Variants in RBBP6 observed in about 807,000 individuals in gnomAD.
RBBP6 encodes RB binding protein 6, ubiquitin ligase.
In RBBP6, 25 loss-of-function variants were observed where a neutral mutation model predicts 167.7. The observed-to-expected ratio is 0.15, with a 90% CI of 0.11 to 0.21. The LOEUF is 0.21. RBBP6 is among the 10% of genes least tolerant of loss of function. The pLI, the probability that RBBP6 is intolerant of heterozygous loss-of-function variation, is 1.00. For missense variants in RBBP6, 1,868 were observed against 2,134.2 expected, an observed-to-expected ratio of 0.88 and a Z score of 2.46; for synonymous variants, 789 against 735.8, an observed-to-expected ratio of 1.07 and a Z score of -1.17.
chr16:24,555,123 A>G (rs186210028), intron 4 of RBBP6: 1 of 152,628 alleles, frequency 6.6e-6, no homozygotes, highest in South Asian at 2.1e-4. Context: ...ATTTAAAATT[A>G]TAATGCTCAA....
At chr16:24,545,466 G>A (rs564887463) in intron 1 of RBBP6, among the ~76,000 whole-genome samples, 2 of 152,244 alleles carry the variant, frequency 1.3e-5, no homozygotes, top group African/African-American at 2.4e-5. Context: ...ATATAAATCA[G>A]TGTATGGTCT....
chr16:24,555,497 C>A, intron 4 of RBBP6, 118 bp from the exon 5 acceptor site: 2 of 763,970 alleles, frequency 2.6e-6, no homozygotes, highest in South Asian at 1.8e-5. Context: ...GTGTAAATAG[C>A]TGTTTTTATG....
chr16:24,566,732 ACT>A (rs996839174), intron 14 of RBBP6, among the ~76,000 whole-genome samples: 1 of 152,140 alleles, frequency 6.6e-6, no homozygotes, highest in African/African-American at 2.4e-5. Flanking sequence ...ACAGAGTGAG[ACT>A]CTGTCTCAAA....
chr16:24,566,098 C>CTT (rs540684765), intron 14 of RBBP6, among the ~76,000 whole-genome samples: 89 of 152,208 alleles, frequency 5.8e-4, no homozygotes, highest in Admixed American at 1.2e-3. Flanking sequence ...TCTTCTAGTG[C>CTT]TTCATTGCTA....
intron 2 of RBBP6, 36 bp downstream of exon 2, chr16:24,546,298 CT>C (rs3214553): frequency 1.3e-5 from 19 of 1,492,592 alleles, no homozygotes; most frequent in Middle Eastern, 2.3e-4. Flanking sequence ...TCAAAATAGA[CT>C]TTTTTTAGTT....
Position 24,553,498 on chromosome 16 carries a change from A to C in RBBP6, c.304-15A>C. ...AGTTTGGAACTTGAATGTGTGTTTA[A>C]TTTTTTGTGAACAGATTGATGACTC... On this transcript the variant is annotated splice_polypyrimidine_tract_variant and intron_variant, in intron 3 of 17. Transcript: ENST00000319715. 6.2e-7 allele frequency: 1 copy of C among 1,609,238 alleles called. No homozygotes were observed. The highest frequency in any genetic ancestry group is 8.5e-7 in the Non-Finnish European group (1 of 1,176,440).
chr16:24,563,091 CTT>C, intron 10 of RBBP6, 106 bp from the exon 11 acceptor site: 1 of 767,212 alleles, frequency 1.3e-6, no homozygotes, highest in Non-Finnish European at 2.1e-6. Flanking sequence ...TCATCTTTGA[CTT>C]AACTCATCTT....
At chr16:24,544,246 C>A (rs1039277573) in intron 1 of RBBP6, among the ~76,000 whole-genome samples, 11 of 152,122 alleles carry the variant, frequency 7.2e-5, no homozygotes, top group Non-Finnish European at 2.9e-5. Flanking sequence ...TTAAAAAAAT[C>A]TAGTCACCCC....
At chr16:24,556,048 A>C (rs1007141033) in intron 6 of RBBP6, 131 bp downstream of exon 6, 1 of 928,324 alleles carries the variant, frequency 1.1e-6, no homozygotes, top group South Asian at 1.7e-5. Flanking sequence ...TCTGGAGCCA[A>C]ATTTGCCAGG....
intron 1 of RBBP6, among the ~76,000 whole-genome samples, chr16:24,543,747 C>A (rs28482789): frequency 0.27 from 41,457 of 151,874 alleles, 5,725 homozygotes; most frequent in Admixed American, 0.34. Flanking sequence ...TTCTGCACAC[C>A]GACCCCTAAA....
intron 14 of RBBP6, among the ~76,000 whole-genome samples, chr16:24,565,675 T>G (rs1223302683): frequency 6.6e-6 from 1 of 152,004 alleles, no homozygotes; most frequent in African/African-American, 2.4e-5. Flanking sequence ...CATGGAAAAA[T>G]TGTCTTCCAC....
intron 3 of RBBP6, chr16:24,552,856 T>G (rs1437203388): frequency 6.6e-6 from 1 of 151,928 alleles, no homozygotes; most frequent in Non-Finnish European, 1.5e-5. Context: ...TTAACTTTCT[T>G]CAAATATTAG....
At chr16:24,566,497 T>C (rs1008841450) in intron 14 of RBBP6, among the ~76,000 whole-genome samples, 2 of 152,334 alleles carry the variant, frequency 1.3e-5, no homozygotes, top group Admixed American at 6.5e-5. Flanking sequence ...CTCTCACCTG[T>C]AACCCCAGCA....
At chr16:24,549,293 G>C in intron 3 of RBBP6, 1 of 1,180,038 alleles carries the variant, frequency 8.5e-7, no homozygotes, top group Non-Finnish European at 1.0e-6. Context: ...TTACACTAAG[G>C]AACATGATGA....
Position 24,546,125 on chromosome 16 carries a change from C to A in RBBP6, c.167-38C>A, listed in dbSNP as rs767851559. ...CTAATTCTTGGTTACGCACTCAAAT[C>A]CCCAAATGGAAATTCAATTCTGTCT... On this transcript the variant is annotated intron_variant, in intron 1 of 17. Coordinates refer to ENST00000319715, the MANE Select transcript of RBBP6 (RefSeq NM_006910.5). 1.8e-5 allele frequency: 28 copies of A among 1,541,430 alleles called. No individual in the cohort carries two copies. The South Asian group carries it at 3.4e-4, about 19-fold the overall frequency.
Position 24,568,840 on chromosome 16 carries a change from G to C in RBBP6, c.2150G>C (p.Arg717Pro), listed in dbSNP as rs752893183. Reference protein sequence around the residue: ...SGSTRSRSYSRSFSRSHSRSY... With the variant: ...SGSTRSRSYSPSFSRSHSRSY... ...TCAACACGTTCACGCTCTTATTCTC[G>C]ATCATTCAGCCGCTCACATTCTCGT... is the stretch of plus-strand genomic sequence containing the variant. The change falls in exon 17 of 18, where the codon CGA becomes CCA. Residue 717 changes from arginine to proline, a missense_variant. By Grantham distance (103) the Arg-to-Pro change is moderately radical. Transcript: ENST00000319715. 3.1e-6 allele frequency: 5 copies of C among 1,614,018 alleles called. No homozygotes were observed. The highest frequency in any genetic ancestry group is 1.7e-6 in the Non-Finnish European group (2 of 1,180,036).
Position 24,571,079 on chromosome 16 carries a change from CTA to C in RBBP6, c.4017_4018del (p.Ser1340LysfsTer7). ...GAAGAAGATGTTAAATCCACACAGCCTATATCAAGTGTAGGAAAACCTGCTAG... is the reference window on the plus strand; with the variant it reads ...GAAGAAGATGTTAAATCCACACAGCCTATCAAGTGTAGGAAAACCTGCTAG... On this transcript the variant is annotated frameshift_variant, in exon 18 of 18. Transcript: ENST00000319715. LOFTEE classifies it high-confidence loss of function. The C allele has an allele frequency of 6.2e-7, 1 of 1,612,230 alleles. No homozygotes were observed.
chr16:24,553,663 A>G (rs1281405932), intron 4 of RBBP6, 106 bp downstream of exon 4: 6 of 806,590 alleles, frequency 7.4e-6, no homozygotes, highest in Non-Finnish European at 1.1e-5. Context: ...ATATTTTGCA[A>G]AAGCATTGTA....
chr16:24,564,700 A>T, intron 13 of RBBP6, 97 bp from the exon 14 acceptor site: 1 of 1,399,646 alleles, frequency 7.1e-7, no homozygotes. Context: ...AAGTTTTCAG[A>T]GTAGTTAAAA....
Sources: gnomAD v4.1 joint callset for allele counts (sites outside exome capture counted in the v4.1 genomes callset) on GRCh38, gnomAD v4.1.1 for gene constraint, MANE v1.5 for transcripts, NCBI Gene and HGNC (gene_info 2026-07-23, HGNC 2026-07-21) for gene names.